Variants in WWC2 observed in about 807,000 individuals in gnomAD.
WWC2 encodes protein WWC2.
Under a neutral mutation model 138.5 loss-of-function variants are expected in WWC2, and 101 were observed. That is an observed-to-expected ratio of 0.73 (90% CI 0.62 to 0.86). The LOEUF is 0.86. WWC2 is among the 40% of genes least tolerant of loss of function. The probability of loss-of-function intolerance (pLI) is 0.00; values close to 1 mark genes in which losing one functional copy is unlikely to be tolerated. For missense variants in WWC2, 1,420 were observed against 1,419.4 expected (o/e 1.00, Z -0.01); for synonymous variants, 558 against 538.4 (o/e 1.04, Z -0.50).
chr4:183,262,924 A>G (rs1737377378), intron 11 of WWC2, among the ~76,000 whole-genome samples: 1 of 152,194 alleles, frequency 6.6e-6, no homozygotes, highest in Non-Finnish European at 1.5e-5. Context: ...TATCTGCAAA[A>G]TGGGGTTGCT....
rs768211682 is a variant in WWC2, at chr4:183,249,995, T to C, written c.953+2T>C. On this transcript the variant is annotated splice_donor_variant, in intron 8 of 22. Coordinates refer to ENST00000403733, the MANE Select transcript of WWC2 (RefSeq NM_024949.6). LOFTEE classifies it high-confidence loss of function. Reference sequence around the variant, plus strand: ...ACAGTATGAAGAAGCCAAAAGAAGGTAATGACAGAGAAGCTGTTTTGTGCA... The same window carrying C: ...ACAGTATGAAGAAGCCAAAAGAAGGCAATGACAGAGAAGCTGTTTTGTGCA... 6.2e-7 allele frequency: 1 copy of C among 1,613,132 alleles called. No homozygotes were observed. Among genetic ancestry groups the C allele is most frequent in the South Asian group, 1.1e-5 (1 of 90,898 alleles).
At chr4:183,139,286 G>A (rs780426056) in intron 1 of WWC2, among the ~76,000 whole-genome samples, 2 of 152,168 alleles carry the variant, frequency 1.3e-5, no homozygotes, top group Non-Finnish European at 2.9e-5. Context: ...TCATCTAATC[G>A]TAGGTTTAAA....
chr4:183,161,869 TA>T (rs142371286), intron 1 of WWC2, among the ~76,000 whole-genome samples: 109 of 152,328 alleles, frequency 7.2e-4, no homozygotes, highest in African/African-American at 2.5e-3. Flanking sequence ...TCTCTGTTAC[TA>T]AGCAACATAT....
chr4:183,115,772 A>G (rs1240899470), intron 1 of WWC2, among the ~76,000 whole-genome samples: 5 of 152,106 alleles, frequency 3.3e-5, no homozygotes. Context: ...CATAGTTTGC[A>G]TATATTTTCT....
intron 2 of WWC2, 68 bp downstream of exon 2, chr4:183,193,776 A>G: frequency 7.9e-7 from 1 of 1,273,138 alleles, no homozygotes; most frequent in Non-Finnish European, 1.1e-6. Context: ...ACAGTCACAC[A>G]AAAGAATAAA....
chr4:183,104,716 T>C (rs950436445), intron 1 of WWC2, among the ~76,000 whole-genome samples: 1 of 152,180 alleles, frequency 6.6e-6, no homozygotes, highest in African/African-American at 2.4e-5. Flanking sequence ...GTATGCTGTC[T>C]TCCAAAAATT....
intron 1 of WWC2, among the ~76,000 whole-genome samples, chr4:183,160,232 A>G (rs1475904050): frequency 6.6e-6 from 1 of 152,258 alleles, no homozygotes; most frequent in Non-Finnish European, 1.5e-5. Flanking sequence ...TCATACACAG[A>G]CAGCAAAGTA....
intron 1 of WWC2, among the ~76,000 whole-genome samples, chr4:183,099,986 G>A (rs1412987123): frequency 6.6e-6 from 1 of 152,222 alleles, no homozygotes; most frequent in African/African-American, 2.4e-5. Flanking sequence ...CTGGGCGGCG[G>A]GGGTGGGCTA....
At chr4:183,247,540 CTA>C (rs61554831) in intron 6 of WWC2, among the ~76,000 whole-genome samples, 28 of 137,100 alleles carry the variant, frequency 2.0e-4, no homozygotes, top group African/African-American at 7.3e-4. Context: ...ACTATATATA[CTA>C]TATATATACT....
At chr4:183,249,443 C>T (rs1011935362) in intron 7 of WWC2, among the ~76,000 whole-genome samples, 2 of 152,014 alleles carry the variant, frequency 1.3e-5, no homozygotes, top group Admixed American at 1.3e-4. Flanking sequence ...GAAATATGTG[C>T]TGTGAAAGTA....
chr4:183,253,787 A>T lies in WWC2; in HGVS notation c.984A>T (p.Lys328Asn), dbSNP rs1358351126. The T allele has an allele frequency of 6.2e-7, 1 of 1,613,172 alleles. No homozygotes were observed. The highest frequency in any genetic ancestry group is 1.1e-5 in the South Asian group (1 of 91,006). ...SMANLKIELS[K>N]LDSEAWPGAL... Reference sequence around the variant, plus strand: ...CCAACTTAAAAATTGAACTGTCAAAATTGGACAGTGAGGCCTGGCCTGGGG... The same window carrying T: ...CCAACTTAAAAATTGAACTGTCAAATTTGGACAGTGAGGCCTGGCCTGGGG... Residue 328 changes from lysine (K) to asparagine (N), a missense_variant, in exon 9 of 23, where the codon AAA becomes AAT. Physicochemically the swap from Lys to Asn is moderately conservative, Grantham distance 94 (BLOSUM62 0). Coordinates refer to ENST00000403733, the MANE Select transcript of WWC2 (RefSeq NM_024949.6).
Position 183,316,087 on chromosome 4 carries a change from G to A in WWC2, c.*358G>A, listed in dbSNP as rs1739429753. ...TGTTGAGAAACAACTTGGTTCAGCC[G>A]GTGGTTTTGCTTCTCCTTTGTGTTC... On this transcript the variant is annotated 3_prime_UTR_variant, in exon 23 of 23. Transcript: ENST00000403733. 2 of 201,760 alleles carry A rather than the reference G, an allele frequency of 9.9e-6. No homozygotes were observed. Among genetic ancestry groups the A allele is most frequent in the South Asian group, 8.0e-5 (1 of 12,556 alleles). 12.5% of individuals were successfully genotyped at this position (201,760 alleles called of 1,614,324 possible).
chr4:183,207,985 T>C lies in WWC2; in HGVS notation c.274T>C (p.Trp92Arg). 2 of 1,612,576 alleles carry C rather than the reference T, an allele frequency of 1.2e-6. No individual in the cohort carries two copies. Among genetic ancestry groups the C allele is most frequent in the Non-Finnish European group, 1.7e-6 (2 of 1,179,204 alleles). Residue 92 changes from tryptophan (W) to arginine (R), a missense_variant, in exon 3 of 23, where the codon TGG (tryptophan) becomes CGG (arginine). Transcript: ENST00000403733. Reference sequence around the variant, plus strand: ...GCAGATAGAAGATCCAAGAAAACAATGGAGGGGGGAACAGGAGAAGATGCT... The same window carrying C: ...GCAGATAGAAGATCCAAGAAAACAACGGAGGGGGGAACAGGAGAAGATGCT... ...TTQIEDPRKQ[W>R]RGEQEKMLKD...
chr4:183,160,461 G>C (rs966532903), intron 1 of WWC2, among the ~76,000 whole-genome samples: 1 of 152,158 alleles, frequency 6.6e-6, no homozygotes, highest in Admixed American at 6.5e-5. Context: ...TGAAGCAGTG[G>C]TATGAACCAT....
At chr4:183,282,153 A>G (rs1738096868) in intron 17 of WWC2, among the ~76,000 whole-genome samples, 1 of 152,186 alleles carries the variant, frequency 6.6e-6, no homozygotes, top group Admixed American at 6.6e-5. Flanking sequence ...CTGTATTTAT[A>G]TTCTGGAGCA....
At position 183,289,514 on chromosome 4, in the gene WWC2, A is replaced by AG; in HGVS notation, c.3265dup (p.Ala1089GlyfsTer19). Reference sequence around the variant, plus strand: ...CAGAGCCGCCTCAATGATGAGCTGCAGGCGCTGAGGGACTTGCGGCAGAAG... The same window carrying AG: ...CAGAGCCGCCTCAATGATGAGCTGCAGGGCGCTGAGGGACTTGCGGCAGAAG... On this transcript the variant is annotated frameshift_variant, in exon 21 of 23. Transcript: ENST00000403733. LOFTEE classifies it high-confidence loss of function. 6.2e-7 allele frequency: 1 copy of AG among 1,613,960 alleles called. No individual in the cohort carries two copies. The highest frequency in any genetic ancestry group is 8.5e-7 in the Non-Finnish European group (1 of 1,179,868).
At chr4:183,178,490 A>C (rs1734527943) in intron 1 of WWC2, among the ~76,000 whole-genome samples, 1 of 151,676 alleles carries the variant, frequency 6.6e-6, no homozygotes, top group Non-Finnish European at 1.5e-5. Flanking sequence ...CTGAGGCAGG[A>C]GGATCACTTG....
At chr4:183,263,253 C>T (rs367840675) in intron 11 of WWC2, among the ~76,000 whole-genome samples, 9 of 152,200 alleles carry the variant, frequency 5.9e-5, no homozygotes, top group South Asian at 2.1e-4. Context: ...TAACATTCAG[C>T]CAATTTGGAG....
intron 1 of WWC2, among the ~76,000 whole-genome samples, chr4:183,151,136 C>T (rs556588891): frequency 3.3e-5 from 5 of 152,270 alleles, no homozygotes; most frequent in East Asian, 1.9e-4. Context: ...AATGGTTGAA[C>T]GAATTTATAC....
Sources: allele counts gnomAD v4.1 joint callset (sites outside exome capture counted in the v4.1 genomes callset), GRCh38; gene constraint gnomAD v4.1.1; transcripts MANE v1.5; gene names NCBI Gene and HGNC (gene_info 2026-07-23, HGNC 2026-07-21).